NRG1: variants seen among roughly 807,000 people sequenced by gnomAD.
NRG1 encodes the protein neuregulin 1, also known as pro-neuregulin-1, membrane-bound isoform.
In NRG1, 18 loss-of-function variants were observed where a neutral mutation model predicts 63.8. The ratio of observed to expected loss-of-function variants is 0.28; its 90% CI spans 0.19 to 0.42. The LOEUF (loss-of-function observed/expected upper bound fraction) is 0.42, where lower values mean the gene tolerates loss of function less well. Ranked by LOEUF, NRG1 falls within the 10% of genes least tolerant of loss-of-function variation. The pLI is 1.00. For missense variants in NRG1, 762 were observed against 814.7 expected (o/e 0.94, Z 0.79); for synonymous variants, 302 against 301.3 (o/e 1.00, Z -0.02).
intron 5 of NRG1, among the ~76,000 whole-genome samples, chr8:32,646,034 G>A (rs2129546527): frequency 6.6e-6 from 1 of 152,284 alleles, no homozygotes; most frequent in East Asian, 1.9e-4. Context: ...CAGTGCCAGG[G>A]AATCCAAACC....
chr8:31,770,551 G>C (rs1461913849), intron 1 of NRG1, among the ~76,000 whole-genome samples: 1 of 151,478 alleles, frequency 6.6e-6, no homozygotes, highest in Non-Finnish European at 1.5e-5. Flanking sequence ...CTCACTCATA[G>C]GTGGGAATTG....
At chr8:32,603,384 C>T (rs974419524) in intron 2 of NRG1, among the ~76,000 whole-genome samples, 6 of 152,138 alleles carry the variant, frequency 3.9e-5, no homozygotes, top group African/African-American at 1.4e-4. Flanking sequence ...CTTTATTTCA[C>T]CTAATATTTT....
intron 1 of NRG1, among the ~76,000 whole-genome samples, chr8:32,257,712 CT>C (rs1849890773): frequency 1.3e-5 from 2 of 152,148 alleles, no homozygotes; most frequent in Admixed American, 1.3e-4. Context: ...TAATTCACAT[CT>C]GGCTATAACT....
intron 1 of NRG1, among the ~76,000 whole-genome samples, chr8:31,928,293 C>G (rs1382813638): frequency 2.0e-5 from 3 of 149,700 alleles, no homozygotes; most frequent in Non-Finnish European, 4.4e-5. Context: ...CACCTTACCC[C>G]CCAGCCAGAA....
intron 1 of NRG1, among the ~76,000 whole-genome samples, chr8:32,569,905 CTTTTTTTT>C (rs1209336043): frequency 3.3e-5 from 4 of 121,634 alleles, no homozygotes; most frequent in Non-Finnish European, 5.1e-5. Flanking sequence ...TGATAGTTAT[CTTTTTTTT>C]TTTTTTTTTT....
chr8:32,472,358 C>T (rs1823956541), intron 1 of NRG1, among the ~76,000 whole-genome samples: 1 of 152,118 alleles, frequency 6.6e-6, no homozygotes, highest in Admixed American at 6.6e-5. Context: ...TTAGTAGAGA[C>T]AGGGTTTCAA....
chr8:32,435,509 A>C (rs1818677770), intron 1 of NRG1, among the ~76,000 whole-genome samples: 1 of 152,154 alleles, frequency 6.6e-6, no homozygotes, highest in Admixed American at 6.6e-5. Context: ...ATTTTGCATA[A>C]TCCAAGTATT....
chr8:31,701,710 G>A (rs1345814041), intron 1 of NRG1, among the ~76,000 whole-genome samples: 1 of 152,130 alleles, frequency 6.6e-6, no homozygotes, highest in Admixed American at 6.5e-5. Flanking sequence ...TTCTTTTGAA[G>A]CTGCCTTCCC....
chr8:32,304,242 A>G (rs1855945556), intron 1 of NRG1, among the ~76,000 whole-genome samples: 1 of 152,262 alleles, frequency 6.6e-6, no homozygotes, highest in African/African-American at 2.4e-5. Context: ...AGTGAATGGA[A>G]CAGCAAAAGC....
At chr8:32,430,220 G>A (rs924707670) in intron 1 of NRG1, among the ~76,000 whole-genome samples, 35 of 152,116 alleles carry the variant, frequency 2.3e-4, no homozygotes, top group Non-Finnish European at 4.3e-4. Flanking sequence ...TCTCTTTCAA[G>A]GGATGTCCTA....
intron 1 of NRG1, among the ~76,000 whole-genome samples, chr8:31,660,122 T>C (rs1805832903): frequency 6.6e-6 from 1 of 152,194 alleles, no homozygotes; most frequent in Admixed American, 6.5e-5. Context: ...ACGCAACGTA[T>C]GTGACAGCCA....
chr8:32,151,695 G>A (rs1185202319), intron 1 of NRG1, among the ~76,000 whole-genome samples: 1 of 152,168 alleles, frequency 6.6e-6, no homozygotes, highest in African/African-American at 2.4e-5. Flanking sequence ...ATCTGAGCAG[G>A]GGGAACCTGG....
chr8:32,214,576 G>C (rs1845023514), intron 1 of NRG1, among the ~76,000 whole-genome samples: 1 of 152,074 alleles, frequency 6.6e-6, no homozygotes, highest in African/African-American at 2.4e-5. Flanking sequence ...CCAGGGGTTC[G>C]AGGCTGCAGT....
At chr8:31,811,105 G>A (rs903617914) in intron 1 of NRG1, among the ~76,000 whole-genome samples, 17 of 152,128 alleles carry the variant, frequency 1.1e-4, no homozygotes, top group African/African-American at 1.7e-4. Context: ...GATAAATACC[G>A]TGGCTGCTAG....
At chr8:31,913,257 A>G (rs1833095307) in intron 1 of NRG1, among the ~76,000 whole-genome samples, 1 of 152,174 alleles carries the variant, frequency 6.6e-6, no homozygotes, top group South Asian at 2.1e-4. Flanking sequence ...TTCATCTTCT[A>G]TGTCCTATTT....
At chr8:32,772,035 AAATATGT>A (rs1831844702), downstream of NRG1, among the ~76,000 whole-genome samples, 1 of 10,888 alleles carries the variant, frequency 9.2e-5, no homozygotes, top group African/African-American at 2.3e-4. Context: ...AAAAAAAAAA[AAATATGT>A]ATATATATAT....
intron 1 of NRG1, among the ~76,000 whole-genome samples, chr8:31,655,989 T>G (rs1483908504): frequency 2.6e-5 from 4 of 152,212 alleles, no homozygotes; most frequent in Non-Finnish European, 5.9e-5. Context: ...TGTCGACATA[T>G]CCACATGGAA....
chr8:32,664,189 A>C, intron 5 of NRG1, among the ~76,000 whole-genome samples: 1 of 152,128 alleles, frequency 6.6e-6, no homozygotes, highest in Admixed American at 6.6e-5. Context: ...AGAAAGAGCT[A>C]GTTTCTGTCT....
chr8:31,866,092 G>C (rs985009895), intron 1 of NRG1, among the ~76,000 whole-genome samples: 2 of 152,120 alleles, frequency 1.3e-5, no homozygotes, highest in African/African-American at 4.8e-5. Context: ...TTCTCAAAGT[G>C]CCATCTTCCT....
Sources: allele counts gnomAD v4.1 joint callset (sites outside exome capture counted in the v4.1 genomes callset), GRCh38; gene constraint gnomAD v4.1.1; transcripts MANE v1.5; gene names NCBI Gene and HGNC (gene_info 2026-07-23, HGNC 2026-07-21).